Variants in NDUFS4 observed in about 807,000 individuals in gnomAD.
The protein encoded by NDUFS4 is NADH:ubiquinone oxidoreductase subunit S4.
A neutral mutation model predicts 24.3 loss-of-function variants in NDUFS4; 28 were observed. The ratio of observed to expected loss-of-function variants is 1.15; its 90% CI spans 0.85 to 1.58. The LOEUF (loss-of-function observed/expected upper bound fraction) is 1.58. Among genes scored for constraint, NDUFS4 ranks in the 40% most tolerant of loss-of-function variants. The pLI, the probability that NDUFS4 is intolerant of heterozygous loss-of-function variation, is 0.00. For synonymous variants in NDUFS4, 93 were observed against 69.7 expected, an observed-to-expected ratio of 1.34 and a Z score of -1.67; for missense variants, 223 against 207.9, an observed-to-expected ratio of 1.07 and a Z score of -0.45.
chr5:53,646,271 A>G lies in NDUFS4; in HGVS notation c.216A>G (p.Ile72Met), dbSNP rs769984410. ...TAACTGGAGTTCCAGAAGAGCATATAAAAACTAGAAAAGTCAGGATCTTTG... is the reference window on the plus strand; with the variant it reads ...TAACTGGAGTTCCAGAAGAGCATATGAAAACTAGAAAAGTCAGGATCTTTG... ...TTLTGVPEEH[I>M]KTRKVRIFVP... The change falls in exon 3 of 5, where the codon ATA becomes ATG. Residue 72 changes from isoleucine (I) to methionine (M), a missense_variant. Ile to Met is a conservative substitution (Grantham distance 10). Coordinates refer to ENST00000296684, the MANE Select transcript of NDUFS4 (RefSeq NM_002495.4). 33 of 1,612,864 alleles carry G rather than the reference A, an allele frequency of 2.0e-5. No homozygotes were observed. In the South Asian group the frequency reaches 3.1e-4, roughly 15 times the overall value.
intron 3 of NDUFS4, among the ~76,000 whole-genome samples, chr5:53,649,344 A>G (rs1313584610): frequency 2.0e-5 from 3 of 151,818 alleles, no homozygotes; most frequent in East Asian, 3.9e-4. Flanking sequence ...CAGTTTTTCA[A>G]CTCTTGCCCC....
At chr5:53,565,767 A>T (rs1749000412) in intron 1 of NDUFS4, among the ~76,000 whole-genome samples, 2 of 152,226 alleles carry the variant, frequency 1.3e-5, no homozygotes, top group Non-Finnish European at 2.9e-5. Flanking sequence ...GTGTTCAGAC[A>T]CTTCTTTTGT....
In NDUFS4 at chr5:53,603,432, C is replaced by T. The variant is rs1206222429; in HGVS notation, c.99-20C>T. The T allele has an allele frequency of 1.9e-6, 3 of 1,557,814 alleles. No individual in the cohort carries two copies. The highest frequency in any genetic ancestry group is 2.6e-6 in the Non-Finnish European group (3 of 1,145,368). On this transcript the variant is annotated intron_variant, in intron 1 of 4. Transcript: ENST00000296684. Reference sequence around the variant, plus strand: ...TCTCATTGCCTGGATCCTTTTTTAACTTAAAGTCTTGCACTGCAGGTCGTT... The same window carrying T: ...TCTCATTGCCTGGATCCTTTTTTAATTTAAAGTCTTGCACTGCAGGTCGTT...
At chr5:53,583,845 C>G (rs910477056) in intron 1 of NDUFS4, among the ~76,000 whole-genome samples, 1 of 152,140 alleles carries the variant, frequency 6.6e-6, no homozygotes, top group Non-Finnish European at 1.5e-5. Context: ...TGGTACTATA[C>G]CTACATTTAA....
chr5:53,644,043 T>G lies in NDUFS4; in HGVS notation c.178-2190T>G, dbSNP rs1369925515. ...AAAAAGGTTTTCTATATACTGTCCT[T>G]TCTACTTTGTAGCTCAAATACTGTT... On this transcript the variant is annotated intron_variant, in intron 2 of 4. Transcript: ENST00000296684. Among the ~76,000 whole-genome samples, 4 of 152,298 alleles carry G rather than the reference T, an allele frequency of 2.6e-5. No individual in the cohort carries two copies. The South Asian group carries it at 8.3e-4, about 32-fold the overall frequency.
intron 1 of NDUFS4, among the ~76,000 whole-genome samples, chr5:53,592,711 A>G (rs1168503620): frequency 1.3e-5 from 2 of 152,146 alleles, no homozygotes; most frequent in Non-Finnish European, 2.9e-5. Flanking sequence ...TGAATAGTCT[A>G]TTTCTGTTCC....
chr5:53,580,452 T>A (rs1259889319), intron 1 of NDUFS4, among the ~76,000 whole-genome samples: 2 of 152,200 alleles, frequency 1.3e-5, no homozygotes, highest in African/African-American at 2.4e-5. Flanking sequence ...TTTTTGCTAT[T>A]TGCAGTTGTT....
At chr5:53,610,615 C>A (rs1277136017) in intron 2 of NDUFS4, among the ~76,000 whole-genome samples, 1 of 152,100 alleles carries the variant, frequency 6.6e-6, no homozygotes, top group Non-Finnish European at 1.5e-5. Flanking sequence ...TGAGGTATGC[C>A]TGTATCTTTT....
intron 1 of NDUFS4, among the ~76,000 whole-genome samples, chr5:53,567,609 G>A (rs1420783034): frequency 1.3e-5 from 2 of 152,006 alleles, no homozygotes; most frequent in Non-Finnish European, 2.9e-5. Context: ...AGGAAAAACG[G>A]TTGTATTGTG....
At chr5:53,574,653 G>A (rs962925008) in intron 1 of NDUFS4, among the ~76,000 whole-genome samples, 3 of 152,084 alleles carry the variant, frequency 2.0e-5, no homozygotes, top group African/African-American at 7.2e-5. Flanking sequence ...ATTAAGATAT[G>A]TTGTATTTTC....
intron 1 of NDUFS4, among the ~76,000 whole-genome samples, chr5:53,563,153 C>T (rs772031382): frequency 3.4e-5 from 5 of 149,156 alleles, no homozygotes; most frequent in Non-Finnish European, 7.4e-5. Context: ...GGCGTGAACC[C>T]GGGAGGCAGA....
chr5:53,576,737 A>T (rs1027872689), intron 1 of NDUFS4, among the ~76,000 whole-genome samples: 2 of 152,208 alleles, frequency 1.3e-5, no homozygotes, highest in African/African-American at 2.4e-5. Flanking sequence ...CTCCTAGTCA[A>T]AAATTTAGAA....
intron 2 of NDUFS4, among the ~76,000 whole-genome samples, chr5:53,609,165 G>A (rs189726518): frequency 1.3e-5 from 2 of 152,270 alleles, no homozygotes; most frequent in East Asian, 1.9e-4. Context: ...AATCCTTTCC[G>A]GAAGGTTTTC....
In NDUFS4 at chr5:53,660,714, T is replaced by C. The variant is rs1446293486; in HGVS notation, c.424+2090T>C. On this transcript the variant is annotated intron_variant, in intron 4 of 4. Transcript: ENST00000296684. ...GTTCTAACTGGTGTGAGATAGTATCTCATTGTGGTTTTAATTTGCATTTCT... is the reference window on the plus strand; with the variant it reads ...GTTCTAACTGGTGTGAGATAGTATCCCATTGTGGTTTTAATTTGCATTTCT... Among the ~76,000 whole-genome samples the C allele has an allele frequency of 3.9e-5, 6 of 152,326 alleles. No homozygotes were observed. In the South Asian group the frequency reaches 8.3e-4, roughly 21 times the overall value.
chr5:53,603,332 TTTCC>T (rs1750387041), intron 1 of NDUFS4, 116 bp from the exon 2 acceptor site: 3 of 716,816 alleles, frequency 4.2e-6, no homozygotes, highest in Non-Finnish European at 4.4e-6. Flanking sequence ...CTTTCTTTCC[TTTCC>T]TTTTTTTTTT....
intron 4 of NDUFS4, among the ~76,000 whole-genome samples, chr5:53,678,468 G>A (rs1740548864): frequency 2.0e-5 from 3 of 152,126 alleles, no homozygotes; most frequent in African/African-American, 7.2e-5. Context: ...AGCTGTCTTG[G>A]ACTCCATTGC....
intron 2 of NDUFS4, among the ~76,000 whole-genome samples, chr5:53,617,420 C>CT (rs1750875475): frequency 6.6e-6 from 1 of 151,966 alleles, no homozygotes; most frequent in South Asian, 2.1e-4. Flanking sequence ...CTGATACCAC[C>CT]TTATTCCCTT....
chr5:53,581,110 G>A (rs1276664453), intron 1 of NDUFS4, among the ~76,000 whole-genome samples: 1 of 152,160 alleles, frequency 6.6e-6, no homozygotes, highest in Non-Finnish European at 1.5e-5. Context: ...TAGGATTACA[G>A]GCGTGAGCTA....
intron 2 of NDUFS4, among the ~76,000 whole-genome samples, chr5:53,645,598 A>C (rs1751838275): frequency 6.6e-6 from 1 of 152,190 alleles, no homozygotes; most frequent in African/African-American, 2.4e-5. Context: ...AAATTATGCC[A>C]CTTTTTGGGA....
Sources: allele counts gnomAD v4.1 joint callset (sites outside exome capture counted in the v4.1 genomes callset), GRCh38; gene constraint gnomAD v4.1.1; transcripts MANE v1.5; gene names NCBI Gene and HGNC (gene_info 2026-07-23, HGNC 2026-07-21).